Variants in LRRC7 observed in about 807,000 individuals in gnomAD.
The protein encoded by LRRC7 is leucine rich repeat containing 7, also known as leucine-rich repeat-containing protein 7.
LRRC7 carries 23 observed loss-of-function variants against 175.7 expected under a neutral mutation model. That is an observed-to-expected ratio of 0.13 (90% CI 0.09 to 0.19). The LOEUF (loss-of-function observed/expected upper bound fraction) is 0.19. LRRC7 is among the 10% of genes least tolerant of loss of function. The pLI, the probability that LRRC7 is intolerant of heterozygous loss-of-function variation, is 1.00. For missense variants in LRRC7, 1,354 were observed against 1,904.7 expected, an observed-to-expected ratio of 0.71 and a Z score of 5.38; for synonymous variants, 685 against 680.9, an observed-to-expected ratio of 1.01 and a Z score of -0.09.
rs558993820 is a variant in LRRC7, at chr1:69,777,747, A to C, written c.304-14296A>C. ...TGTTACCTAAATATGCCTTAAATCT[A>C]TCTCACCTCTCCATCCTATGACTGA... On this transcript the variant is annotated intron_variant, in intron 3 of 26. Transcript: ENST00000651989. Among the ~76,000 whole-genome samples, 12 of 152,264 alleles carry C rather than the reference A, an allele frequency of 7.9e-5. 1 individual carries two copies. Among genetic ancestry groups the C allele is most frequent in the African/African-American group, 2.6e-4 (11 of 41,552 alleles).
chr1:69,659,707 C>T (rs1657165577), intron 1 of LRRC7, among the ~76,000 whole-genome samples: 1 of 151,356 alleles, frequency 6.6e-6, no homozygotes, highest in Non-Finnish European at 1.5e-5. Context: ...AATGTCTTGA[C>T]ACACTTTAAA....
chr1:69,887,273 G>C (rs1645665795), intron 7 of LRRC7, among the ~76,000 whole-genome samples: 1 of 125,712 alleles, frequency 8.0e-6, no homozygotes, highest in Non-Finnish European at 1.6e-5. Context: ...CGTAGATTTG[G>C]TCTTTTCACA....
chr1:69,701,683 G>A (rs779404599), intron 2 of LRRC7, among the ~76,000 whole-genome samples: 18 of 152,208 alleles, frequency 1.2e-4, no homozygotes, highest in Non-Finnish European at 2.2e-4. Context: ...TGTGGAATAT[G>A]TAAGTGTTCC....
Position 70,124,183 on chromosome 1 carries a change from C to T in LRRC7, c.*2296C>T, listed in dbSNP as rs771956981. Among the ~76,000 whole-genome samples the T allele has an allele frequency of 2.0e-4, 31 of 152,332 alleles. No homozygotes were observed. The highest frequency in any genetic ancestry group is 3.4e-3 in the Middle Eastern group (1 of 294). ...TTATCTGATATGCCAAAGCACCTCACTGTCAATAGTACTGCCATGTTGCAT... is the reference window on the plus strand; with the variant it reads ...TTATCTGATATGCCAAAGCACCTCATTGTCAATAGTACTGCCATGTTGCAT... On this transcript the variant is annotated 3_prime_UTR_variant, in exon 27 of 27. Coordinates refer to ENST00000651989, the MANE Select transcript of LRRC7 (RefSeq NM_001370785.2).
chr1:69,900,035 C>T (rs759797502), intron 7 of LRRC7, among the ~76,000 whole-genome samples: 2 of 152,088 alleles, frequency 1.3e-5, no homozygotes, highest in Non-Finnish European at 2.9e-5. Context: ...AATGTATATC[C>T]TTTTCTCATA....
chr1:69,927,959 A>G (rs1402708186), intron 7 of LRRC7, among the ~76,000 whole-genome samples: 1 of 151,862 alleles, frequency 6.6e-6, no homozygotes, highest in Admixed American at 6.6e-5. Context: ...TTGGTCTTTG[A>G]TGATGGTGAT....
rs146130151 is a variant in LRRC7 at position 69,834,170 on chromosome 1, C to T, written c.501-610C>T. Among the ~76,000 whole-genome samples the T allele has an allele frequency of 5.9e-5, 9 of 152,006 alleles. No homozygotes were observed. In the East Asian group the frequency reaches 1.5e-3, roughly 26 times the overall value. On this transcript the variant is annotated intron_variant, in intron 5 of 26. Transcript: ENST00000651989. Reference sequence around the variant, plus strand: ...TGCAGTTTATAGCCTTTATGATTGTCTAATTATCTTTTCAATGTTCTTTGT... The same window carrying T: ...TGCAGTTTATAGCCTTTATGATTGTTTAATTATCTTTTCAATGTTCTTTGT...
At chr1:70,105,663 A>T (rs1665095039) in intron 25 of LRRC7, among the ~76,000 whole-genome samples, 1 of 152,174 alleles carries the variant, frequency 6.6e-6, no homozygotes, top group Non-Finnish European at 1.5e-5. Flanking sequence ...TAATTTCTTT[A>T]ATCAATGCCC....
intron 1 of LRRC7, among the ~76,000 whole-genome samples, chr1:69,630,052 A>G (rs1247177899): frequency 1.3e-5 from 2 of 152,000 alleles, no homozygotes; most frequent in South Asian, 2.1e-4. Context: ...CCTGCTTCCT[A>G]TAATGGTGAT....
chr1:69,628,252 A>C (rs546163128), intron 1 of LRRC7, among the ~76,000 whole-genome samples: 16 of 152,254 alleles, frequency 1.1e-4, no homozygotes, highest in African/African-American at 3.6e-4. Context: ...GAGTAAAAAA[A>C]ATTCTTTTGG....
intron 1 of LRRC7, among the ~76,000 whole-genome samples, chr1:69,601,929 T>G (rs1647091171): frequency 6.6e-6 from 1 of 152,198 alleles, no homozygotes; most frequent in Non-Finnish European, 1.5e-5. Context: ...GGTTCACACG[T>G]GTATTTTCTT....
intron 1 of LRRC7, among the ~76,000 whole-genome samples, chr1:69,674,851 T>C (rs1423883528): frequency 6.6e-6 from 1 of 152,194 alleles, no homozygotes; most frequent in Non-Finnish European, 1.5e-5. Context: ...TTGTAATATG[T>C]TTCCAAATAT....
chr1:69,949,633 A>G (rs1451964733), intron 8 of LRRC7, among the ~76,000 whole-genome samples: 1 of 152,146 alleles, frequency 6.6e-6, no homozygotes, highest in Non-Finnish European at 1.5e-5. Flanking sequence ...TTAATCTATA[A>G]CCTATTGATG....
Position 69,980,391 on chromosome 1 carries a change from G to T in LRRC7, c.724G>T (p.Asp242Tyr). Residue 242 changes from aspartate (D) to tyrosine (Y), a missense_variant, in exon 9 of 27, where the codon GAT becomes TAT. By Grantham distance (160) the Asp-to-Tyr change is radical. Transcript: ENST00000651989. Reference protein sequence around the residue: ...NEFGELPEVLDQIQNLRELWM... With the variant: ...NEFGELPEVLYQIQNLRELWM... ...ACTTCTCTCCCAGCCTGAAGTTCTG[G>T]ATCAAATACAAAATTTGAGGGAGTT... is the stretch of plus-strand genomic sequence containing the variant. The T allele has an allele frequency of 6.2e-7, 1 of 1,611,784 alleles. No individual in the cohort carries two copies. The highest frequency in any genetic ancestry group is 1.1e-5 in the South Asian group (1 of 90,618).
Position 70,076,357 on chromosome 1 carries a change from A to G in LRRC7, c.4452+59A>G, listed in dbSNP as rs1571253649. The G allele has an allele frequency of 3.3e-6, 5 of 1,497,600 alleles. No homozygotes were observed. The East Asian group carries it at 6.9e-5, about 21-fold the overall frequency. The allele number at this position is 1,497,600 out of a possible 1,614,324, so 92.8% of individuals were successfully genotyped here. ...CAGGTAAGAAAAGTCCAAAGAATCC[A>G]TGGTTGGCCTTCCCTCATTAATGTG... is the stretch of plus-strand genomic sequence containing the variant. On this transcript the variant is annotated intron_variant, in intron 24 of 26. Coordinates refer to ENST00000651989, the MANE Select transcript of LRRC7 (RefSeq NM_001370785.2).
At chr1:70,051,058 T>C (rs1199631725) in intron 22 of LRRC7, among the ~76,000 whole-genome samples, 3 of 152,042 alleles carry the variant, frequency 2.0e-5, no homozygotes, top group Non-Finnish European at 4.4e-5. Context: ...AAGAACTAGA[T>C]TAATTTATAA....
At chr1:69,715,125 C>T (rs779985048) in intron 2 of LRRC7, among the ~76,000 whole-genome samples, 29 of 152,046 alleles carry the variant, frequency 1.9e-4, no homozygotes, top group African/African-American at 5.1e-4. Context: ...TTGAAGTTTG[C>T]GGCCTTTTGA....
At chr1:69,942,619 C>T (rs1025467502) in intron 8 of LRRC7, among the ~76,000 whole-genome samples, 6 of 151,980 alleles carry the variant, frequency 3.9e-5, no homozygotes, top group Non-Finnish European at 8.8e-5. Context: ...TACGTGGCCC[C>T]TTCCTCACAT....
At chr1:69,598,196 G>T (rs548897289) in intron 1 of LRRC7, among the ~76,000 whole-genome samples, 1 of 152,182 alleles carries the variant, frequency 6.6e-6, no homozygotes, top group South Asian at 2.1e-4. Flanking sequence ...CTGCTATAGG[G>T]TCAGGTAATG....
Sources: gnomAD v4.1 joint callset for allele counts (sites outside exome capture counted in the v4.1 genomes callset) on GRCh38, gnomAD v4.1.1 for gene constraint, MANE v1.5 for transcripts, NCBI Gene and HGNC (gene_info 2026-07-23, HGNC 2026-07-21) for gene names.